Variants in PPL observed in about 807,000 individuals in gnomAD.
PPL encodes the protein 190 kDa paraneoplastic pemphigus antigen.
PPL carries 198 observed loss-of-function variants against 194.4 expected under a neutral mutation model. That is an observed-to-expected ratio of 1.02 (90% CI 0.91 to 1.15). The LOEUF (loss-of-function observed/expected upper bound fraction) is 1.15, where lower values mean the gene tolerates loss of function less well. Ranked by LOEUF, PPL falls within the 50% of genes most tolerant of loss-of-function variation. The pLI, the probability that PPL is intolerant of heterozygous loss-of-function variation, is 0.00. For missense variants in PPL, 2,885 were observed against 2,294.8 expected, an observed-to-expected ratio of 1.26 and a Z score of -5.25; for synonymous variants, 1,220 against 972.4, an observed-to-expected ratio of 1.25 and a Z score of -4.74.
At chr16:4,933,401 C>G (rs2142434686) in intron 1 of PPL, among the ~76,000 whole-genome samples, 1 of 152,228 alleles carries the variant, frequency 6.6e-6, no homozygotes, top group South Asian at 2.1e-4. Context: ...TCCCATTCAA[C>G]AAATTCAGAA....
At position 4,901,028 on chromosome 16, in the gene PPL, T is replaced by C. The variant is rs771921801; in HGVS notation, c.500A>G (p.Glu167Gly). ...DLPLVDHQVE[E>G]HNIFHNEVKA... ...GACCTCATTGTGGAAGATGTTATGC[T>C]CCTCCACTTGGTGGTCCACCAGCGG... Residue 167 changes from glutamate to glycine, a missense_variant, in exon 5 of 22, where the codon GAG becomes GGG. Transcript: ENST00000345988. 2 of 1,614,136 alleles carry C rather than the reference T, an allele frequency of 1.2e-6. No individual in the cohort carries two copies. The highest frequency in any genetic ancestry group is 8.5e-7 in the Non-Finnish European group (1 of 1,180,024).
At chr16:4,911,879 C>T (rs2088826773) in intron 1 of PPL, among the ~76,000 whole-genome samples, 1 of 152,026 alleles carries the variant, frequency 6.6e-6, no homozygotes, top group African/African-American at 2.4e-5. Flanking sequence ...CTCTGTCACC[C>T]AGACTGGAGT....
rs950368981 is a variant in PPL, at chr16:4,892,037, C to T, written c.1827G>A (p.Glu609=). The change falls in exon 15 of 22, where the codon GAG becomes GAA. Residue 609 remains glutamate (E), a splice_region_variant and synonymous_variant. Transcript: ENST00000345988. ...HLLQLLDLAQ[E]KVDVANRLEK... ...CATGCTGCCTGTCTGCCACCCACTT[C>T]TCCTGGGCCAAGTCCAGCAGCTGCA... is the stretch of plus-strand genomic sequence containing the variant. 5.0e-6 allele frequency: 8 copies of T among 1,613,054 alleles called. No individual in the cohort carries two copies. Among genetic ancestry groups the T allele is most frequent in the African/African-American group, 1.3e-5 (1 of 74,938 alleles).
Position 4,890,858 on chromosome 16 carries a change from C to T in PPL, c.2032G>A (p.Ala678Thr), listed in dbSNP as rs772610267. The T allele has an allele frequency of 6.4e-7, 1 of 1,558,130 alleles. No individual in the cohort carries two copies. Among genetic ancestry groups the T allele is most frequent in the Non-Finnish European group, 8.7e-7 (1 of 1,150,064 alleles). The change falls in exon 17 of 22, where the codon GCG becomes ACG. Residue 678 changes from alanine to threonine, a missense_variant. Coordinates refer to ENST00000345988, the MANE Select transcript of PPL (RefSeq NM_002705.5). Reference protein sequence around the residue: ...LLGEVEQNLQAAKQCSSTLAS... With the variant: ...LLGEVEQNLQTAKQCSSTLAS... The stretch of plus-strand genomic sequence containing the variant: ...AGTGTGCTCGAGCACTGCTTGGCCG[C>T]CTGCAAGTTCTGCTCCACCTCACCC...
Position 4,893,307 on chromosome 16 carries a change from T to C in PPL, c.1556A>G (p.Asp519Gly). The C allele has an allele frequency of 6.2e-7, 1 of 1,607,682 alleles. No homozygotes were observed. The highest frequency in any genetic ancestry group is 8.5e-7 in the Non-Finnish European group (1 of 1,179,346). The change falls in exon 14 of 22, where the codon GAC becomes GGC. Residue 519 changes from aspartate to glycine, a missense_variant. Coordinates refer to ENST00000345988, the MANE Select transcript of PPL (RefSeq NM_002705.5). Reference protein sequence around the residue: ...AGLDKVASDLDRQEKAITGIL... With the variant: ...AGLDKVASDLGRQEKAITGIL... Reference sequence around the variant, plus strand: ...CCCTGTGATGGCCTTCTCCTGCCGGTCCAGGTCGCTGGCCACCTTGTCCAA... The same window carrying C: ...CCCTGTGATGGCCTTCTCCTGCCGGCCCAGGTCGCTGGCCACCTTGTCCAA...
intron 21 of PPL, 142 bp from the exon 22 acceptor site, chr16:4,886,189 G>T (rs1778379048): frequency 1.9e-6 from 2 of 1,055,572 alleles, no homozygotes; most frequent in African/African-American, 1.6e-5. Flanking sequence ...AGAGTTCTAG[G>T]GTTACTTTCA....
Position 4,885,856 on chromosome 16 carries a change from C to T in PPL, c.2799G>A (p.Val933=). The T allele has an allele frequency of 6.2e-7, 1 of 1,608,176 alleles. No homozygotes were observed. The highest frequency in any genetic ancestry group is 1.1e-5 in the South Asian group (1 of 91,082). The stretch of plus-strand genomic sequence containing the variant: ...GCACCTTCTTGAGCACCTCCTTCCT[C>T]ACCACCGATTCCTGAGGCCCCTGAT... ...LRNQGPQESV[V]RKEVLKKVPD... The change falls in exon 22 of 22, where the codon GTG becomes GTA. Residue 933 remains valine (V), a synonymous_variant. Transcript: ENST00000345988. This position sits in a 1 kb window ranked among gnomAD's most constrained non-coding sequence, Gnocchi z 6.3.
At position 4,897,707 on chromosome 16, in the gene PPL, T is replaced by C; in HGVS notation, c.940A>G (p.Ser314Gly). ...TAGTCCTCCATGTACTTGAGGTGGCTCTCCTCGCAGATGAGCAGGTTCAGG... is the reference window on the plus strand; with the variant it reads ...TAGTCCTCCATGTACTTGAGGTGGCCCTCCTCGCAGATGAGCAGGTTCAGG... ...EYLNLLICEE[S>G]HLKYMEDYHQ... The change falls in exon 9 of 22, where the codon AGC becomes GGC. Residue 314 changes from serine to glycine, a missense_variant. Ser to Gly is a moderately conservative substitution (Grantham distance 56). Coordinates refer to ENST00000345988, the MANE Select transcript of PPL (RefSeq NM_002705.5). The C allele has an allele frequency of 1.2e-6, 2 of 1,613,772 alleles. No individual in the cohort carries two copies. Among genetic ancestry groups the C allele is most frequent in the Non-Finnish European group, 1.7e-6 (2 of 1,179,964 alleles).
intron 1 of PPL, among the ~76,000 whole-genome samples, chr16:4,930,224 A>G (rs1162896816): frequency 6.6e-6 from 1 of 151,536 alleles, no homozygotes; most frequent in African/African-American, 2.4e-5. Context: ...GGCGTGGAGG[A>G]CCTCTCCTGA....
intron 1 of PPL, among the ~76,000 whole-genome samples, chr16:4,933,982 C>T (rs958601311): frequency 2.6e-5 from 4 of 152,228 alleles, no homozygotes; most frequent in African/African-American, 9.6e-5. Context: ...AATCCTGAGC[C>T]AACATCGCCA....
intron 6 of PPL, among the ~76,000 whole-genome samples, chr16:4,899,776 A>G (rs1424430804): frequency 6.6e-6 from 1 of 152,244 alleles, no homozygotes; most frequent in Non-Finnish European, 1.5e-5. Flanking sequence ...AGAGACTGGC[A>G]TATAGTTGGT....
rs1239798876 is a variant in PPL at position 4,883,562 on chromosome 16, A to G, written c.5093T>C (p.Ile1698Thr). 1 of 1,614,074 alleles carries G rather than the reference A, an allele frequency of 6.2e-7. No homozygotes were observed. Among genetic ancestry groups the G allele is most frequent in the African/African-American group, 1.3e-5 (1 of 75,018 alleles). Residue 1698 changes from isoleucine to threonine, a missense_variant, in exon 22 of 22, where the codon ATC becomes ACC. Ile to Thr is a moderately conservative substitution (Grantham distance 89, BLOSUM62 -1). Coordinates refer to ENST00000345988, the MANE Select transcript of PPL (RefSeq NM_002705.5). This position sits in a 1 kb window ranked among gnomAD's most constrained non-coding sequence, Gnocchi z 4.8. ...CTCCCCATTGGGACCCTTCACTGAG[A>G]TCTCCTCCCAGTCGCACTCCTGGCT... ...LRSQECDWEE[I>T]SVKGPNGESS... is the part of the protein sequence containing the mutation.
intron 1 of PPL, among the ~76,000 whole-genome samples, chr16:4,922,547 A>G (rs2089070192): frequency 6.6e-6 from 1 of 152,166 alleles, no homozygotes; most frequent in Non-Finnish European, 1.5e-5. Context: ...CTATAATCCT[A>G]GCTACTGGAG....
In PPL at chr16:4,902,468, T is replaced by C. The variant is rs200627130; in HGVS notation, c.376A>G (p.Arg126Gly). Residue 126 changes from arginine (R) to glycine (G), a missense_variant, in exon 4 of 22, where the codon AGG (arginine) becomes GGG (glycine). By Grantham distance (125) the Arg-to-Gly change is moderately radical (BLOSUM62 -2). Transcript: ENST00000345988. This position sits in a 1 kb window ranked among gnomAD's most constrained non-coding sequence, Gnocchi z 4.0. Reference protein sequence around the residue: ...NLRGKHKQIYRLAVKEVDPQV... With the variant: ...NLRGKHKQIYGLAVKEVDPQV... ...GGATCCACTTCCTTCACCGCCAGCCTGTAGATCTGCTTGTGTTTCCCGCGC... is the reference window on the plus strand; with the variant it reads ...GGATCCACTTCCTTCACCGCCAGCCCGTAGATCTGCTTGTGTTTCCCGCGC... 3 of 1,613,998 alleles carry C rather than the reference T, an allele frequency of 1.9e-6. No individual in the cohort carries two copies. Among genetic ancestry groups the C allele is most frequent in the South Asian group, 1.1e-5 (1 of 91,018 alleles).
Position 4,884,812 on chromosome 16 carries a change from G to T in PPL, c.3843C>A (p.Asp1281Glu). Residue 1281 changes from aspartate (D) to glutamate (E), a missense_variant, in exon 22 of 22, where the codon GAC (aspartate) becomes GAA (glutamate). Transcript: ENST00000345988. The surrounding 1 kb of genome is among the most constrained non-coding windows in gnomAD (Gnocchi z 5.7). ...CTTTGGTCTGGACCTGGGGTTTGGT[G>T]TCTTTCAGGGCCTGGATTTCCTTTT... is the stretch of plus-strand genomic sequence containing the variant. ...QLKKEIQALK[D>E]TKPQVQTKEV... is the part of the protein sequence containing the mutation. The T allele has an allele frequency of 6.2e-7, 1 of 1,614,124 alleles. No individual in the cohort carries two copies. The highest frequency in any genetic ancestry group is 8.5e-7 in the Non-Finnish European group (1 of 1,180,024).
At chr16:4,918,257 C>T (rs530387603) in intron 1 of PPL, among the ~76,000 whole-genome samples, 2 of 150,534 alleles carry the variant, frequency 1.3e-5, no homozygotes, top group East Asian at 3.9e-4. Context: ...TGCACCACTA[C>T]ACTCCAGCCT....
intron 1 of PPL, among the ~76,000 whole-genome samples, chr16:4,935,720 T>G (rs890127344): frequency 2.0e-5 from 3 of 152,158 alleles, no homozygotes; most frequent in African/African-American, 4.8e-5. Flanking sequence ...CACTCCAGCG[T>G]GCTAGGGCCC....
At chr16:4,901,115 A>G (rs529009137) in intron 4 of PPL, 26 bp from the exon 5 acceptor site, 2 of 1,612,694 alleles carry the variant, frequency 1.2e-6, no homozygotes, top group African/African-American at 2.7e-5. Flanking sequence ...GAGAAGCAAT[A>G]AGGAGAGGGT....
intron 1 of PPL, among the ~76,000 whole-genome samples, chr16:4,932,806 A>G (rs1348860781): frequency 6.6e-6 from 1 of 151,910 alleles, no homozygotes. Flanking sequence ...CATGGGCTGG[A>G]CCCATCATGT....
Sources: allele counts gnomAD v4.1 joint callset (sites outside exome capture counted in the v4.1 genomes callset), GRCh38; gene constraint gnomAD v4.1.1; non-coding constraint Gnocchi (gnomAD v3.1); transcripts MANE v1.5; gene names NCBI Gene and HGNC (gene_info 2026-07-23, HGNC 2026-07-21).